Variants in MPDZ observed in about 807,000 individuals in gnomAD.
MPDZ encodes the protein multiple PDZ domain crumbs cell polarity complex component, also known as multiple PDZ domain protein.
In MPDZ, 234 loss-of-function variants were observed where a neutral mutation model predicts 239.1. The observed-to-expected ratio is 0.98, with a 90% CI of 0.88 to 1.09. The LOEUF is 1.09. Ranked by LOEUF, MPDZ falls within the 50% of genes least tolerant of loss-of-function variation. MPDZ has a pLI of 0.00. For synonymous variants in MPDZ, 1,048 were observed against 881.3 expected (o/e 1.19, Z -3.35); for missense variants, 3,175 against 2,510.0 (o/e 1.26, Z -5.66).
At chr9:13,215,264 T>C (rs1190802698) in intron 10 of MPDZ, among the ~76,000 whole-genome samples, 1 of 151,828 alleles carries the variant, frequency 6.6e-6, no homozygotes, top group Non-Finnish European at 1.5e-5. Flanking sequence ...CCTCAAGGTT[T>C]TTCAGTGCTG....
intron 10 of MPDZ, among the ~76,000 whole-genome samples, chr9:13,210,025 C>G (rs1416521985): frequency 6.0e-5 from 9 of 148,994 alleles, no homozygotes; most frequent in African/African-American, 1.5e-4. Flanking sequence ...TTACCCAACT[C>G]TACAAATCAA....
Position 13,222,264 on chromosome 9 carries a change from G to A in MPDZ, c.716C>T (p.Ala239Val). The A allele has an allele frequency of 6.2e-7, 1 of 1,612,692 alleles. No homozygotes were observed. Among genetic ancestry groups the A allele is most frequent in the South Asian group, 1.1e-5 (1 of 91,022 alleles). The change falls in exon 6 of 47, where the codon GCA becomes GTA. Residue 239 changes from alanine to valine, a missense_variant. Transcript: ENST00000319217. ...AGAGTGAGCTGAAATTGTGCTGGCTGCAGATGGAGAACGGGAAACTATGGG... is the reference window on the plus strand; with the variant it reads ...AGAGTGAGCTGAAATTGTGCTGGCTACAGATGGAGAACGGGAAACTATGGG... ...VSPIVSRSPSAASTISAHSNP... is the reference protein window; with the variant it reads ...VSPIVSRSPSVASTISAHSNP...
chr9:13,277,658 G>A (rs1240020618), intron 1 of MPDZ, among the ~76,000 whole-genome samples: 3 of 152,084 alleles, frequency 2.0e-5, no homozygotes, highest in Non-Finnish European at 2.9e-5. Context: ...GCTGCCTCCC[G>A]GGTTCAAGCG....
At chr9:13,274,316 C>T (rs536798013) in intron 1 of MPDZ, among the ~76,000 whole-genome samples, 1 of 145,402 alleles carries the variant, frequency 6.9e-6, no homozygotes, top group Non-Finnish European at 1.5e-5. Flanking sequence ...ATAAATGTTT[C>T]ATTTTTCACT....
intron 18 of MPDZ, among the ~76,000 whole-genome samples, chr9:13,185,257 T>G (rs927610152): frequency 6.6e-6 from 1 of 152,064 alleles, no homozygotes; most frequent in Non-Finnish European, 1.5e-5. Flanking sequence ...CAAATGGCTA[T>G]TTCAAGAGCT....
rs796813092 is a variant in MPDZ at position 13,163,391 on chromosome 9, T to C, written c.3255-596A>G. 5.3e-5 allele frequency among the ~76,000 whole-genome samples: 8 copies of C among 152,254 alleles called. 1 individual carries two copies. The highest frequency in any genetic ancestry group is 1.9e-4 in the African/African-American group (8 of 41,570). On this transcript the variant is annotated intron_variant, in intron 22 of 46. Transcript: ENST00000319217. The stretch of plus-strand genomic sequence containing the variant: ...AGACTCTTACTAATTTGAAGCAATT[T>C]TAAAAAATTCACTTTGGTCTCAAAG...
chr9:13,149,394 G>A (rs1171557521), intron 25 of MPDZ, among the ~76,000 whole-genome samples: 1 of 152,036 alleles, frequency 6.6e-6, no homozygotes, highest in Admixed American at 6.6e-5. Flanking sequence ...AGAGTCACTT[G>A]TATAAAGTAA....
intron 3 of MPDZ, among the ~76,000 whole-genome samples, chr9:13,232,420 G>A (rs568413013): frequency 2.6e-5 from 4 of 152,214 alleles, no homozygotes; most frequent in Admixed American, 2.6e-4. Context: ...ACAATGCAAG[G>A]GAGAAAGGAT....
rs537767700 is a variant in MPDZ, at chr9:13,224,430, T to C, written c.337A>G (p.Ile113Val). ...TCATCACAAGCAGGTTTCCCATTAA[T>C]GTGTGGAATACCAGGTCCTGTAAGT... The part of the protein sequence containing the change: ...EALTGPGIPH[I>V]NGKPACDEFD... The change falls in exon 4 of 47, where the codon ATT (isoleucine) becomes GTT (valine). Residue 113 changes from isoleucine to valine, a missense_variant. Coordinates refer to ENST00000319217, the MANE Select transcript of MPDZ (RefSeq NM_001378778.1). The C allele has an allele frequency of 7.4e-6, 12 of 1,612,918 alleles. No individual in the cohort carries two copies. Among genetic ancestry groups the C allele is most frequent in the African/African-American group, 4.0e-5 (3 of 74,986 alleles).
intron 32 of MPDZ, among the ~76,000 whole-genome samples, chr9:13,129,930 T>G (rs1229216565): frequency 1.3e-5 from 2 of 152,138 alleles, no homozygotes; most frequent in Non-Finnish European, 2.9e-5. Flanking sequence ...AAAGTGGAAT[T>G]CAGCTAAACA....
At chr9:13,111,352 G>A (rs1942437934) in intron 43 of MPDZ, among the ~76,000 whole-genome samples, 1 of 152,172 alleles carries the variant, frequency 6.6e-6, no homozygotes, top group East Asian at 1.9e-4. Flanking sequence ...CATAAATTTG[G>A]ATATCAAACG....
chr9:13,273,749 T>G (rs1973541838), intron 1 of MPDZ, among the ~76,000 whole-genome samples: 1 of 152,214 alleles, frequency 6.6e-6, no homozygotes, highest in Admixed American at 6.5e-5. Context: ...CTTCAAATTA[T>G]TATTTCAACA....
At chr9:13,260,625 G>C (rs757463659) in intron 1 of MPDZ, among the ~76,000 whole-genome samples, 3 of 152,130 alleles carry the variant, frequency 2.0e-5, no homozygotes, top group Non-Finnish European at 4.4e-5. Flanking sequence ...CGTTAAATGA[G>C]GATATAAGGG....
At chr9:13,263,533 T>G (rs913431588) in intron 1 of MPDZ, among the ~76,000 whole-genome samples, 1 of 152,010 alleles carries the variant, frequency 6.6e-6, no homozygotes, top group Non-Finnish European at 1.5e-5. Flanking sequence ...CTAAAGGAAA[T>G]ATTATGAAAA....
chr9:13,177,250 T>C (rs1179752768), intron 19 of MPDZ, among the ~76,000 whole-genome samples: 1 of 152,178 alleles, frequency 6.6e-6, no homozygotes, highest in Non-Finnish European at 1.5e-5. Context: ...CTTTCATTGA[T>C]AGTTTCAATG....
intron 1 of MPDZ, among the ~76,000 whole-genome samples, chr9:13,267,936 C>T (rs1972121724): frequency 6.6e-6 from 1 of 152,130 alleles, no homozygotes. Flanking sequence ...GCTCCCTTTT[C>T]CTTCACGCAC....
At chr9:13,218,378 G>T (rs1958636948) in intron 8 of MPDZ, among the ~76,000 whole-genome samples, 1 of 151,854 alleles carries the variant, frequency 6.6e-6, no homozygotes, top group African/African-American at 2.4e-5. Context: ...AGGGGCACAA[G>T]CTTCAGAAAT....
At position 13,150,608 on chromosome 9, in the gene MPDZ, T is replaced by C. The variant is rs1949033056; in HGVS notation, c.3533A>G (p.Asn1178Ser). 1.3e-6 allele frequency: 2 copies of C among 1,549,080 alleles called. No homozygotes were observed. Among genetic ancestry groups the C allele is most frequent in the Non-Finnish European group, 8.7e-7 (1 of 1,145,988 alleles). Residue 1178 changes from asparagine (N) to serine (S), a missense_variant, in exon 25 of 47, where the codon AAT becomes AGT. By Grantham distance (46) the Asn-to-Ser change is conservative. Transcript: ENST00000319217. ...GAAAATGCCCCTCATCACTTCTCCA[T>C]TGCTTAGCCGACTCCCCATCCCTCG... ...GGRGMGSRLS[N>S]GEVMRGIFIK...
At position 13,262,660 on chromosome 9, in the gene MPDZ, G is replaced by T. The variant is rs1290609018; in HGVS notation, c.-57-12288C>A. Among the ~76,000 whole-genome samples, 6 of 151,082 alleles carry T rather than the reference G, an allele frequency of 4.0e-5. No homozygotes were observed. In the East Asian group the frequency reaches 1.2e-3, roughly 29 times the overall value. On this transcript the variant is annotated intron_variant, in intron 1 of 46. Transcript: ENST00000319217. Reference sequence around the variant, plus strand: ...ACTCTAGCAATCTAAAAGAGGTTAGGAATGAGAAAAAAAGGAAAAAGGAGA... The same window carrying T: ...ACTCTAGCAATCTAAAAGAGGTTAGTAATGAGAAAAAAAGGAAAAAGGAGA...
Sources: allele counts gnomAD v4.1 joint callset (sites outside exome capture counted in the v4.1 genomes callset), GRCh38; gene constraint gnomAD v4.1.1; transcripts MANE v1.5; gene names NCBI Gene and HGNC (gene_info 2026-07-23, HGNC 2026-07-21).